The following ROBO2 variants were observed in gnomAD, a reference collection of about 807,000 sequenced individuals.
ROBO2 encodes the protein roundabout homolog 2.
Under a neutral mutation model 160.8 loss-of-function variants are expected in ROBO2, and 53 were observed. That is an observed-to-expected ratio of 0.33 (90% CI 0.26 to 0.41). The LOEUF is 0.41. Among genes scored for constraint, ROBO2 ranks in the 10% least tolerant of loss-of-function variants. ROBO2 has a pLI of 1.00. For missense variants in ROBO2, 1,577 were observed against 1,722.4 expected (o/e 0.92, Z 1.49); for synonymous variants, 664 against 611.7 (o/e 1.09, Z -1.26).
At chr3:76,648,976 A>G (rs1016306849) in intron 2 of ROBO2, among the ~76,000 whole-genome samples, 2 of 152,154 alleles carry the variant, frequency 1.3e-5, no homozygotes, top group Non-Finnish European at 2.9e-5. Flanking sequence ...TGCTGCCTCT[A>G]AGTCAAATAT....
intron 2 of ROBO2, among the ~76,000 whole-genome samples, chr3:76,147,909 C>G (rs1410911493): frequency 1.3e-5 from 2 of 151,946 alleles, no homozygotes; most frequent in Non-Finnish European, 1.5e-5. Context: ...GAGAGAATAT[C>G]TCAAATGAAA....
At chr3:76,341,753 G>A (rs1180326001) in intron 2 of ROBO2, among the ~76,000 whole-genome samples, 1 of 152,138 alleles carries the variant, frequency 6.6e-6, no homozygotes, top group Non-Finnish European at 1.5e-5. Flanking sequence ...AGAGCAAAAG[G>A]AAAATGGCTT....
At chr3:76,773,787 C>CA (rs1229602470) in intron 2 of ROBO2, among the ~76,000 whole-genome samples, 1 of 149,880 alleles carries the variant, frequency 6.7e-6, no homozygotes, top group Non-Finnish European at 1.5e-5. Context: ...TACGAGCAAT[C>CA]AAAAAAAGAA....
At chr3:76,261,427 A>G (rs938259156) in intron 2 of ROBO2, among the ~76,000 whole-genome samples, 3 of 151,906 alleles carry the variant, frequency 2.0e-5, no homozygotes, top group South Asian at 2.1e-4. Flanking sequence ...AGATAATACT[A>G]TGTGCCATTT....
chr3:76,813,958 T>C (rs1252224319), intron 2 of ROBO2, among the ~76,000 whole-genome samples: 1 of 152,080 alleles, frequency 6.6e-6, no homozygotes, highest in Non-Finnish European at 1.5e-5. Flanking sequence ...TTTTAAATGA[T>C]CACATAATAG....
chr3:77,127,543 A>G (rs973845818), intron 2 of ROBO2, among the ~76,000 whole-genome samples: 13 of 151,098 alleles, frequency 8.6e-5, no homozygotes, highest in Non-Finnish European at 1.6e-4. Flanking sequence ...AAGAAGGCTA[A>G]TTCTATTTTT....
chr3:76,490,757 T>C (rs921365364), intron 2 of ROBO2, among the ~76,000 whole-genome samples: 8 of 152,326 alleles, frequency 5.3e-5, no homozygotes, highest in African/African-American at 1.9e-4. Flanking sequence ...GTGTTGAATG[T>C]CTATCGCATT....
intron 2 of ROBO2, among the ~76,000 whole-genome samples, chr3:76,479,805 GAA>G: frequency 6.6e-6 from 1 of 152,250 alleles, no homozygotes; most frequent in African/African-American, 2.4e-5. Flanking sequence ...TCACCTTTAG[GAA>G]CAGACAGTGT....
intron 2 of ROBO2, among the ~76,000 whole-genome samples, chr3:76,416,978 A>T (rs1489460651): frequency 6.6e-6 from 1 of 152,230 alleles, no homozygotes. Context: ...CATTAATGTT[A>T]TAAGCATGTT....
intron 2 of ROBO2, among the ~76,000 whole-genome samples, chr3:76,711,258 T>G (rs1434477682): frequency 6.6e-6 from 1 of 152,150 alleles, no homozygotes; most frequent in African/African-American, 2.4e-5. Context: ...AAGCATTTTC[T>G]TCATACAGCA....
At position 75,945,263 on chromosome 3, in the gene ROBO2, A is replaced by G. The variant is rs562254891; in HGVS notation, c.109+7661A>G. The stretch of plus-strand genomic sequence containing the variant: ...TGGTGAAAAGTAATCCTGGATGGGG[A>G]TCAGATTATTTTGATAGGGTAATTT... On this transcript the variant is annotated intron_variant, in intron 2 of 26. Transcript: ENST00000487694. Among the ~76,000 whole-genome samples the G allele has an allele frequency of 4.9e-4, 75 of 152,206 alleles. 1 individual carries two copies. The highest frequency in any genetic ancestry group is 1.8e-4 in the Non-Finnish European group (12 of 68,000).
intron 6 of ROBO2, among the ~76,000 whole-genome samples, chr3:77,543,356 AT>A (rs1220003218): frequency 1.3e-5 from 2 of 152,234 alleles, no homozygotes; most frequent in Non-Finnish European, 2.9e-5. Context: ...ACCAGAATGT[AT>A]CATCATTTTT....
intron 2 of ROBO2, among the ~76,000 whole-genome samples, chr3:76,169,741 A>G (rs1236821425): frequency 6.6e-6 from 1 of 152,022 alleles, no homozygotes; most frequent in Non-Finnish European, 1.5e-5. Flanking sequence ...CTAAATAATG[A>G]CTTTCTGCCT....
chr3:76,864,954 A>C (rs2071209411), intron 2 of ROBO2, among the ~76,000 whole-genome samples: 1 of 152,130 alleles, frequency 6.6e-6, no homozygotes. Flanking sequence ...TGCACAATAT[A>C]ATATTTGTCT....
intron 2 of ROBO2, among the ~76,000 whole-genome samples, chr3:76,400,037 T>C (rs988482308): frequency 1.3e-5 from 2 of 151,610 alleles, no homozygotes; most frequent in African/African-American, 4.8e-5. Flanking sequence ...AAAGAATATA[T>C]TCATTTTCTG....
intron 4 of ROBO2, among the ~76,000 whole-genome samples, chr3:77,482,588 G>C (rs555738867): frequency 7.2e-5 from 11 of 152,084 alleles, no homozygotes; most frequent in Non-Finnish European, 8.8e-5. Context: ...TAAAGGAATT[G>C]AATAGAAAAA....
intron 2 of ROBO2, among the ~76,000 whole-genome samples, chr3:77,205,287 CG>C (rs760247194): frequency 6.6e-5 from 10 of 151,988 alleles, no homozygotes; most frequent in Non-Finnish European, 1.5e-4. Flanking sequence ...GGGAGCTGGG[CG>C]GGGGCAATGG....
At chr3:76,307,919 A>G (rs909702380) in intron 2 of ROBO2, among the ~76,000 whole-genome samples, 5 of 152,190 alleles carry the variant, frequency 3.3e-5, no homozygotes, top group African/African-American at 4.8e-5. Flanking sequence ...AAGGTAGCTC[A>G]GAAGGATTGA....
At chr3:77,537,290 G>C (rs2092181594) in intron 6 of ROBO2, among the ~76,000 whole-genome samples, 1 of 152,002 alleles carries the variant, frequency 6.6e-6, no homozygotes, top group Non-Finnish European at 1.5e-5. Context: ...TTGTGGGGAG[G>C]AGGTTCTGAT....
Sources: allele counts gnomAD v4.1 joint callset (sites outside exome capture counted in the v4.1 genomes callset), GRCh38; gene constraint gnomAD v4.1.1; transcripts MANE v1.5; gene names NCBI Gene and HGNC (gene_info 2026-07-23, HGNC 2026-07-21).